ESRRG: variants seen among roughly 807,000 people sequenced by gnomAD.
The protein encoded by ESRRG is estrogen-related receptor gamma.
Under a neutral mutation model 44.0 loss-of-function variants are expected in ESRRG, and 13 were observed. The ratio of observed to expected loss-of-function variants is 0.30; its 90% CI spans 0.19 to 0.47. The LOEUF (loss-of-function observed/expected upper bound fraction) is 0.47, where lower values mean the gene tolerates loss of function less well. Ranked by LOEUF, ESRRG falls within the 20% of genes least tolerant of loss-of-function variation. ESRRG has a pLI of 1.00. For synonymous variants in ESRRG, 215 were observed against 214.6 expected (o/e 1.00, Z -0.02); for missense variants, 395 against 580.6 (o/e 0.68, Z 3.29).
intron 1 of ESRRG, among the ~76,000 whole-genome samples, chr1:216,986,564 T>C (rs2074905946): frequency 1.3e-5 from 2 of 151,612 alleles, no homozygotes; most frequent in Non-Finnish European, 2.9e-5. Context: ...ATAATAATAA[T>C]AATAATACAA....
At chr1:216,922,412 C>A (rs2061957511) in intron 2 of ESRRG, among the ~76,000 whole-genome samples, 1 of 152,100 alleles carries the variant, frequency 6.6e-6, no homozygotes, top group Non-Finnish European at 1.5e-5. Context: ...TGAGGGAAAA[C>A]CAAGACTGAG....
intron 1 of ESRRG, among the ~76,000 whole-genome samples, chr1:217,034,936 G>A (rs781368009): frequency 3.3e-5 from 5 of 152,260 alleles, no homozygotes; most frequent in South Asian, 2.1e-4. Flanking sequence ...GGAAAATAAC[G>A]CCTTCTAGGT....
intron 1 of ESRRG, among the ~76,000 whole-genome samples, chr1:217,010,264 C>T (rs2078376818): frequency 6.6e-6 from 1 of 152,166 alleles, no homozygotes; most frequent in East Asian, 1.9e-4. Context: ...CATGCTGTGT[C>T]TCTTTGGCAA....
intron 2 of ESRRG, among the ~76,000 whole-genome samples, chr1:216,918,947 C>A (rs1450526971): frequency 6.6e-6 from 1 of 150,854 alleles, no homozygotes; most frequent in Non-Finnish European, 1.5e-5. Context: ...GCTTATACTA[C>A]CTGCATCACA....
intron 5 of ESRRG, among the ~76,000 whole-genome samples, chr1:216,520,792 C>T (rs185259411): frequency 6.6e-6 from 1 of 152,118 alleles, no homozygotes; most frequent in Non-Finnish European, 1.5e-5. Context: ...TTTTTACTCC[C>T]TTTCTAGACA....
intron 1 of ESRRG, among the ~76,000 whole-genome samples, chr1:216,686,722 G>A (rs1468949365): frequency 6.6e-6 from 1 of 152,142 alleles, no homozygotes; most frequent in Non-Finnish European, 1.5e-5. Flanking sequence ...ATTCGACAGA[G>A]TAGGAGACAT....
chr1:216,913,522 G>A (rs573378912), intron 2 of ESRRG, among the ~76,000 whole-genome samples: 16 of 152,322 alleles, frequency 1.1e-4, no homozygotes, highest in Non-Finnish European at 2.4e-4. Context: ...TTAAAATAAT[G>A]TATCATTATT....
intron 1 of ESRRG, among the ~76,000 whole-genome samples, chr1:217,135,721 G>A (rs1200677011): frequency 2.0e-5 from 3 of 152,232 alleles, no homozygotes; most frequent in African/African-American, 7.2e-5. Flanking sequence ...CTTGCCGCGT[G>A]AGAGCAGAAA....
intron 1 of ESRRG, among the ~76,000 whole-genome samples, chr1:216,694,357 A>G (rs891437302): frequency 5.9e-5 from 9 of 152,100 alleles, no homozygotes; most frequent in Non-Finnish European, 1.3e-4. Context: ...GCTGAAGAAT[A>G]CTGTAGGGGA....
chr1:216,511,055 G>A (rs2042581683), intron 6 of ESRRG, among the ~76,000 whole-genome samples: 1 of 152,074 alleles, frequency 6.6e-6, no homozygotes, highest in African/African-American at 2.4e-5. Context: ...AGTATATTCA[G>A]AGTCGAGCCT....
At chr1:216,638,112 T>C (rs955537043) in intron 3 of ESRRG, among the ~76,000 whole-genome samples, 11 of 152,168 alleles carry the variant, frequency 7.2e-5, no homozygotes, top group Non-Finnish European at 1.5e-5. Context: ...TCTCAAGTTG[T>C]TTATGCTTTG....
At chr1:216,690,026 T>A (rs937406462) in intron 1 of ESRRG, among the ~76,000 whole-genome samples, 1 of 151,862 alleles carries the variant, frequency 6.6e-6, no homozygotes, top group Non-Finnish European at 1.5e-5. Context: ...TGGGAGGGTA[T>A]AAAATTGGAA....
At chr1:217,015,124 C>T (rs1345829222) in intron 1 of ESRRG, among the ~76,000 whole-genome samples, 1 of 152,186 alleles carries the variant, frequency 6.6e-6, no homozygotes, top group Admixed American at 6.5e-5. Flanking sequence ...ACAGGTACCT[C>T]CCTATACTAC....
At chr1:216,836,551 C>G (rs1256103512) in intron 2 of ESRRG, among the ~76,000 whole-genome samples, 2 of 152,108 alleles carry the variant, frequency 1.3e-5, no homozygotes, top group South Asian at 2.1e-4. Context: ...AATAGGATGA[C>G]CGGGGAAGCG....
intron 5 of ESRRG, among the ~76,000 whole-genome samples, chr1:216,548,018 C>T (rs143925900): frequency 6.6e-6 from 1 of 152,102 alleles, no homozygotes; most frequent in East Asian, 1.9e-4. Flanking sequence ...CCTTGAGCTA[C>T]GTGGGTTGGC....
intron 5 of ESRRG, among the ~76,000 whole-genome samples, chr1:216,537,648 C>T (rs1015283620): frequency 1.3e-5 from 2 of 151,960 alleles, no homozygotes; most frequent in Non-Finnish European, 2.9e-5. Flanking sequence ...TCACTGGGGG[C>T]TTTGAACAAA....
intron 3 of ESRRG, among the ~76,000 whole-genome samples, chr1:216,611,211 CAAAAA>C (rs397861468): frequency 1.7e-5 from 1 of 60,422 alleles, no homozygotes; most frequent in African/African-American, 8.2e-5. Flanking sequence ...ACTCCGTCCT[CAAAAA>C]AAAAAAAAAA....
At chr1:216,821,436 A>T (rs1236598560) in intron 2 of ESRRG, among the ~76,000 whole-genome samples, 1 of 152,006 alleles carries the variant, frequency 6.6e-6, no homozygotes, top group East Asian at 1.9e-4. Flanking sequence ...CTGTAATCCC[A>T]GGGCTTTGTG....
At chr1:216,647,944 T>G (rs2068002209) in intron 3 of ESRRG, among the ~76,000 whole-genome samples, 1 of 152,212 alleles carries the variant, frequency 6.6e-6, no homozygotes, top group Non-Finnish European at 1.5e-5. Flanking sequence ...AGATTTTGTC[T>G]GTCAATTTCC....
Sources: gnomAD v4.1 joint callset for allele counts (sites outside exome capture counted in the v4.1 genomes callset) on GRCh38, gnomAD v4.1.1 for gene constraint, MANE v1.5 for transcripts, NCBI Gene and HGNC (gene_info 2026-07-23, HGNC 2026-07-21) for gene names.